Variants in LMTK2 observed in about 807,000 individuals in gnomAD.
LMTK2 encodes the protein serine/threonine-protein kinase LMTK2.
A neutral mutation model predicts 127.5 loss-of-function variants in LMTK2; 37 were observed. The observed-to-expected ratio is 0.29, with a 90% confidence interval of 0.22 to 0.38. The LOEUF is 0.38. Ranked by LOEUF, LMTK2 falls within the 10% of genes least tolerant of loss-of-function variation. The pLI is 1.00. For synonymous variants in LMTK2, 819 were observed against 810.1 expected (o/e 1.01, Z -0.19); for missense variants, 1,694 against 1,920.3 (o/e 0.88, Z 2.20).
At chr7:98,144,994 G>T (rs1256429299) in intron 3 of LMTK2, among the ~76,000 whole-genome samples, 1 of 152,176 alleles carries the variant, frequency 6.6e-6, no homozygotes, top group Non-Finnish European at 1.5e-5. Flanking sequence ...TGTTTTGCAG[G>T]TGGTTGTTGT....
intron 1 of LMTK2, among the ~76,000 whole-genome samples, chr7:98,121,405 G>A (rs1185979941): frequency 6.6e-6 from 1 of 151,874 alleles, no homozygotes; most frequent in Non-Finnish European, 1.5e-5. Context: ...AAGGCAGGTG[G>A]ATCATGAGGT....
intron 9 of LMTK2, among the ~76,000 whole-genome samples, chr7:98,189,265 C>T (rs948064924): frequency 6.6e-6 from 1 of 152,110 alleles, no homozygotes; most frequent in African/African-American, 2.4e-5. Context: ...AAAGTTGCTC[C>T]TGGTTCCTGG....
intron 6 of LMTK2, among the ~76,000 whole-genome samples, chr7:98,166,600 T>TTA (rs34961918): frequency 0.12 from 18,922 of 152,154 alleles, 1,262 homozygotes; most frequent in East Asian, 0.19. Context: ...TTATATAGAT[T>TTA]TAGTGTGGTC....
chr7:98,126,965 C>G (rs957968803), intron 1 of LMTK2, among the ~76,000 whole-genome samples: 1 of 152,144 alleles, frequency 6.6e-6, no homozygotes, highest in African/African-American at 2.4e-5. Context: ...TCAGTGCACT[C>G]TTTACTGTTG....
chr7:98,165,522 G>A (rs1797082384), intron 6 of LMTK2, among the ~76,000 whole-genome samples: 1 of 152,086 alleles, frequency 6.6e-6, no homozygotes, highest in Non-Finnish European at 1.5e-5. Context: ...TCACTATATT[G>A]CCCAGGCTGG....
chr7:98,144,717 G>A (rs573629822), intron 3 of LMTK2, among the ~76,000 whole-genome samples: 1 of 149,694 alleles, frequency 6.7e-6, no homozygotes, highest in Non-Finnish European at 1.5e-5. Flanking sequence ...TATCTATTAT[G>A]TCCCCACCCA....
rs368563069 is a variant in LMTK2, at chr7:98,202,586, G to A, written c.4108-988G>A. On this transcript the variant is annotated intron_variant, in intron 11 of 13. Coordinates refer to ENST00000297293, the MANE Select transcript of LMTK2 (RefSeq NM_014916.4). The stretch of plus-strand genomic sequence containing the variant: ...CTTAGCAGGCCTTGACCCGGTGGGT[G>A]CAGGCCACAAGCTCCAAGCAGCCTT... Among the ~76,000 whole-genome samples, 12 of 152,318 alleles carry A rather than the reference G, an allele frequency of 7.9e-5. No homozygotes were observed. The South Asian group carries it at 2.3e-3, about 29-fold the overall frequency.
intron 6 of LMTK2, among the ~76,000 whole-genome samples, chr7:98,160,546 G>A (rs577616875): frequency 6.6e-6 from 1 of 152,106 alleles, no homozygotes; most frequent in South Asian, 2.1e-4. Context: ...TTTCGTGCCT[G>A]TAGATGCTGG....
intron 9 of LMTK2, 125 bp from the exon 10 acceptor site, chr7:98,190,603 G>C: frequency 1.1e-6 from 1 of 909,188 alleles, no homozygotes. Context: ...CAACAACAAA[G>C]ATCCTATTAA....
chr7:98,124,346 T>C (rs1464431217), intron 1 of LMTK2, among the ~76,000 whole-genome samples: 1 of 152,192 alleles, frequency 6.6e-6, no homozygotes, highest in Non-Finnish European at 1.5e-5. Context: ...GTGCTCCGTT[T>C]CTTCATTTTA....
intron 3 of LMTK2, among the ~76,000 whole-genome samples, chr7:98,150,446 T>C (rs1368660733): frequency 6.6e-6 from 1 of 152,222 alleles, no homozygotes; most frequent in Non-Finnish European, 1.5e-5. Flanking sequence ...ACTCATGTTT[T>C]AGGAAGCAGT....
chr7:98,164,136 T>C (rs1797055977), intron 6 of LMTK2, among the ~76,000 whole-genome samples: 1 of 152,266 alleles, frequency 6.6e-6, no homozygotes, highest in Non-Finnish European at 1.5e-5. Context: ...CTGAGTGCAT[T>C]TTGTAGCTGG....
At chr7:98,113,373 A>G (rs973434529) in intron 1 of LMTK2, among the ~76,000 whole-genome samples, 5 of 152,146 alleles carry the variant, frequency 3.3e-5, no homozygotes, top group Non-Finnish European at 7.3e-5. Context: ...CTGTGAGTCA[A>G]TTAAACCTCT....
At chr7:98,204,269 C>T (rs982386623) in intron 13 of LMTK2, 83 bp downstream of exon 13, 4 of 1,517,810 alleles carry the variant, frequency 2.6e-6, no homozygotes, top group Non-Finnish European at 3.6e-6. Context: ...TTTTGCAGGC[C>T]TGATAATCTC....
At chr7:98,123,632 T>C (rs1796398727) in intron 1 of LMTK2, among the ~76,000 whole-genome samples, 1 of 152,162 alleles carries the variant, frequency 6.6e-6, no homozygotes, top group Non-Finnish European at 1.5e-5. Context: ...ATTTCATTCA[T>C]CAACATGGAT....
chr7:98,190,694 GGAGA>G, intron 9 of LMTK2, 30 bp from the exon 10 acceptor site: 16 of 1,611,870 alleles, frequency 9.9e-6, no homozygotes, highest in Non-Finnish European at 1.4e-5. Flanking sequence ...ACATCTAAAG[GGAGA>G]GAGAAACAGC....
intron 1 of LMTK2, among the ~76,000 whole-genome samples, chr7:98,113,137 T>C (rs1223085730): frequency 1.3e-5 from 2 of 152,162 alleles, no homozygotes; most frequent in African/African-American, 4.8e-5. Context: ...GTAATCCCCA[T>C]ATGTCGTGTG....
chr7:98,164,882 CCCCGGAGCAGATGAT>C (rs970232426), intron 6 of LMTK2, among the ~76,000 whole-genome samples: 39 of 152,246 alleles, frequency 2.6e-4, no homozygotes, highest in African/African-American at 8.0e-4. Context: ...CATCACCTGG[CCCCGGAGCAGATGAT>C]ACTGTGTTCT....
chr7:98,171,438 C>G lies in LMTK2; in HGVS notation c.658-103C>G, dbSNP rs1280724202. 1.4e-6 allele frequency: 2 copies of G among 1,465,730 alleles called. No homozygotes were observed. Among genetic ancestry groups the G allele is most frequent in the East Asian group, 2.3e-5 (1 of 44,114 alleles). 90.8% of individuals were successfully genotyped at this position (1,465,730 alleles called of 1,614,324 possible). The stretch of plus-strand genomic sequence containing the variant: ...CTTTAAGTATGAACAAAAGAAGTTT[C>G]TAATAAATAATCTTAACAGTTAGTG... On this transcript the variant is annotated intron_variant, in intron 6 of 13. Transcript: ENST00000297293. This position sits in a 1 kb window ranked among gnomAD's most constrained non-coding sequence, Gnocchi z 5.1.
Sources: gnomAD v4.1 joint callset for allele counts (sites outside exome capture counted in the v4.1 genomes callset) on GRCh38, gnomAD v4.1.1 for gene constraint, Gnocchi (gnomAD v3.1) non-coding constraint, MANE v1.5 for transcripts, NCBI Gene and HGNC (gene_info 2026-07-23, HGNC 2026-07-21) for gene names.